The following WDPCP variants were observed in gnomAD, a reference collection of about 807,000 sequenced individuals.
The protein encoded by WDPCP is WD repeat containing planar cell polarity effector.
In WDPCP, 71 loss-of-function variants were observed where a neutral mutation model predicts 93.1. The observed-to-expected ratio is 0.76, with a 90% CI of 0.63 to 0.93. WDPCP has a LOEUF of 0.93. WDPCP is among the 40% of genes least tolerant of loss of function. WDPCP has a pLI of 0.00. For missense variants in WDPCP, 844 were observed against 887.4 expected (o/e 0.95, Z 0.62); for synonymous variants, 315 against 315.0 (o/e 1.00, Z 0.00).
chr2:63,387,647 GAAATAA>G (rs377661706), intron 10 of WDPCP, among the ~76,000 whole-genome samples: 4 of 152,090 alleles, frequency 2.6e-5, no homozygotes, highest in African/African-American at 9.6e-5. Context: ...GCAAGAGAAA[GAAATAA>G]AACACATCCA....
intron 10 of WDPCP, among the ~76,000 whole-genome samples, chr2:63,386,985 A>G (rs571455310): frequency 6.6e-6 from 1 of 152,250 alleles, no homozygotes; most frequent in African/African-American, 2.4e-5. Flanking sequence ...TCCAAAACTG[A>G]ATCACTAATA....
At chr2:63,216,732 A>AG (rs1677383353) in intron 14 of WDPCP, among the ~76,000 whole-genome samples, 1 of 152,060 alleles carries the variant, frequency 6.6e-6, no homozygotes, top group Non-Finnish European at 1.5e-5. Context: ...CTAAAAAAAA[A>AG]TAAATAAAAT....
intron 3 of WDPCP, among the ~76,000 whole-genome samples, chr2:63,641,656 T>C (rs148790055): frequency 5.1e-4 from 78 of 152,264 alleles, no homozygotes; most frequent in Middle Eastern, 3.4e-3. Context: ...TTTTTCCCTA[T>C]AGAGTTGTTT....
chr2:63,506,401 T>C (rs1431476014), intron 1 of WDPCP, among the ~76,000 whole-genome samples: 1 of 151,736 alleles, frequency 6.6e-6, no homozygotes, highest in South Asian at 2.1e-4. Context: ...ATGTAGTTAT[T>C]TGCACTCCCT....
intron 7 of WDPCP, chr2:63,437,988 T>C: frequency 6.7e-6 from 9 of 1,333,738 alleles, no homozygotes; most frequent in Non-Finnish European, 8.7e-6. Context: ...TCTCTACCAG[T>C]CTATTTATTT....
rs1189387891 is a variant in WDPCP, at chr2:63,731,768, A to G, written n.309-80930T>C. On this transcript the variant is annotated intron_variant and non_coding_transcript_variant, in intron 2 of 4. Coordinates refer to the WDPCP transcript ENST00000467687. ...GAATGCAATCTGATTTTAGTCTTCA[A>G]AAGAGCTTGTAATCTCAAGATGAAT... Among the ~76,000 whole-genome samples the G allele has an allele frequency of 3.3e-5, 5 of 152,350 alleles. No individual in the cohort carries two copies. In the South Asian group the frequency reaches 8.3e-4, roughly 25 times the overall value.
intron 4 of WDPCP, among the ~76,000 whole-genome samples, chr2:63,485,377 AT>A (rs1447069871): frequency 2.0e-5 from 3 of 150,150 alleles, no homozygotes; most frequent in Admixed American, 6.6e-5. Context: ...AAAAAAAAAA[AT>A]TATCATGAGT....
intron 14 of WDPCP, among the ~76,000 whole-genome samples, chr2:63,239,844 T>C (rs1021586947): frequency 1.3e-5 from 2 of 152,174 alleles, no homozygotes; most frequent in African/African-American, 2.4e-5. Context: ...AAGTATCTTT[T>C]GAATAAAGCA....
At chr2:63,439,979 A>G (rs1426592131) in intron 6 of WDPCP, 108 bp from the exon 7 acceptor site, 2 of 761,068 alleles carry the variant, frequency 2.6e-6, no homozygotes, top group African/African-American at 3.5e-5. Context: ...TTACACATGC[A>G]TCTACACTAC....
intron 11 of WDPCP, among the ~76,000 whole-genome samples, chr2:63,379,412 TG>T (rs1692119892): frequency 6.6e-6 from 1 of 152,180 alleles, no homozygotes; most frequent in Admixed American, 6.6e-5. Flanking sequence ...GTAATTACTA[TG>T]GACTTGGCTA....
At chr2:63,186,095 A>C (rs1674619860) in intron 14 of WDPCP, among the ~76,000 whole-genome samples, 1 of 152,020 alleles carries the variant, frequency 6.6e-6, no homozygotes, top group Non-Finnish European at 1.5e-5. Flanking sequence ...CTGGTGTGGG[A>C]ATCTGCCTCC....
At chr2:63,292,568 T>C (rs939419490) in intron 13 of WDPCP, among the ~76,000 whole-genome samples, 3 of 152,172 alleles carry the variant, frequency 2.0e-5, no homozygotes, top group African/African-American at 7.2e-5. Context: ...GCAGTGGCTT[T>C]TTGCTATGCC....
intron 10 of WDPCP, among the ~76,000 whole-genome samples, chr2:63,401,580 T>G (rs1417746029): frequency 6.6e-6 from 1 of 152,032 alleles, no homozygotes. Context: ...TGAGACCAGC[T>G]CAAGACCACT....
intron 1 of WDPCP, among the ~76,000 whole-genome samples, chr2:63,569,715 G>A (rs927096918): frequency 4.6e-5 from 7 of 152,306 alleles, no homozygotes; most frequent in African/African-American, 1.7e-4. Context: ...GAATCAAGTA[G>A]CCAGTTAACA....
chr2:63,802,543 C>A (rs531870730), intron 2 of WDPCP, among the ~76,000 whole-genome samples: 1 of 152,066 alleles, frequency 6.6e-6, no homozygotes, highest in African/African-American at 2.4e-5. Flanking sequence ...TTTTTTCTAG[C>A]TGTGACTGAA....
intron 6 of WDPCP, among the ~76,000 whole-genome samples, chr2:63,449,500 AAAGC>A (rs142070269): frequency 0.19 from 29,146 of 152,000 alleles, 2,959 homozygotes; most frequent in Middle Eastern, 0.28. Flanking sequence ...GAAGGAAAAG[AAAGC>A]AAGTGGCCAC....
chr2:63,462,784 A>G (rs1187372552), intron 6 of WDPCP, among the ~76,000 whole-genome samples: 1 of 152,188 alleles, frequency 6.6e-6, no homozygotes, highest in Non-Finnish European at 1.5e-5. Flanking sequence ...GAAGATAAAT[A>G]GCTGACTTCC....
chr2:63,696,088 G>A (rs1255145509), intron 2 of WDPCP, among the ~76,000 whole-genome samples: 1 of 152,092 alleles, frequency 6.6e-6, no homozygotes, highest in Admixed American at 6.6e-5. Context: ...GTAGCAGGTG[G>A]GTAGAACCTT....
intron 14 of WDPCP, among the ~76,000 whole-genome samples, chr2:63,192,416 TG>T (rs750641793): frequency 3.4e-4 from 52 of 152,224 alleles, no homozygotes; most frequent in Non-Finnish European, 6.9e-4. Flanking sequence ...AAAGAATGAT[TG>T]GGAGACTCCT....
Sources: allele counts gnomAD v4.1 joint callset (sites outside exome capture counted in the v4.1 genomes callset), GRCh38; gene constraint gnomAD v4.1.1; transcripts MANE v1.5; gene names NCBI Gene and HGNC (gene_info 2026-07-23, HGNC 2026-07-21).